Variants in PPP3R1 observed in about 807,000 individuals in gnomAD.
PPP3R1 encodes the protein protein phosphatase 3 regulatory subunit B, alpha.
Under a neutral mutation model 22.6 loss-of-function variants are expected in PPP3R1, and 5 were observed. The observed-to-expected ratio is 0.22, with a 90% CI of 0.12 to 0.46. PPP3R1 has a LOEUF of 0.46. Ranked by LOEUF, PPP3R1 falls within the 20% of genes least tolerant of loss-of-function variation. The pLI is 0.99. For missense variants in PPP3R1, 61 were observed against 203.2 expected (o/e 0.30, Z 4.25); for synonymous variants, 56 against 65.2 (o/e 0.86, Z 0.68).
chr2:68,247,533 T>G (rs1336922795), intron 1 of PPP3R1, among the ~76,000 whole-genome samples: 1 of 152,206 alleles, frequency 6.6e-6, no homozygotes, highest in East Asian at 1.9e-4. Context: ...CTATTGAAAT[T>G]GGAGTCTTGC....
At chr2:68,247,990 G>A (rs915036015) in intron 1 of PPP3R1, among the ~76,000 whole-genome samples, 3 of 152,158 alleles carry the variant, frequency 2.0e-5, no homozygotes, top group African/African-American at 7.2e-5. Context: ...TCATTCTCCT[G>A]CTTGAAAATA....
In PPP3R1 at chr2:68,201,795, T is replaced by C. The variant is rs143026833; in HGVS notation, c.44-13105A>G. 5.9e-5 allele frequency among the ~76,000 whole-genome samples: 9 copies of C among 152,360 alleles called. No individual in the cohort carries two copies. The South Asian group carries it at 1.7e-3, about 28-fold the overall frequency. On this transcript the variant is annotated intron_variant, in intron 2 of 5. Transcript: ENST00000234310. Reference sequence around the variant, plus strand: ...TGGATTAGAAACTCCGAACTTTGAATGTATTACTCCACTGCCTTCTACCAA... The same window carrying C: ...TGGATTAGAAACTCCGAACTTTGAACGTATTACTCCACTGCCTTCTACCAA...
intron 2 of PPP3R1, among the ~76,000 whole-genome samples, chr2:68,209,400 G>A (rs1202315286): frequency 8.4e-5 from 10 of 118,492 alleles, no homozygotes; most frequent in African/African-American, 2.8e-4. Flanking sequence ...AACTGTGGAA[G>A]TTACAAAATA....
chr2:68,199,326 TGTA>T (rs1362652836), intron 2 of PPP3R1, among the ~76,000 whole-genome samples: 2 of 152,218 alleles, frequency 1.3e-5, no homozygotes, highest in Non-Finnish European at 2.9e-5. Flanking sequence ...ATATTATCCT[TGTA>T]TCCTACAATC....
chr2:68,181,350 G>A (rs568688749), intron 5 of PPP3R1, among the ~76,000 whole-genome samples: 62 of 147,296 alleles, frequency 4.2e-4, no homozygotes, highest in Non-Finnish European at 5.9e-4. Context: ...CCTATATCGC[G>A]CCACTGCACT....
chr2:68,218,015 C>G (rs1669611595), intron 1 of PPP3R1, among the ~76,000 whole-genome samples: 2 of 152,032 alleles, frequency 1.3e-5, no homozygotes, highest in South Asian at 4.1e-4. Flanking sequence ...GTATAACAGA[C>G]TCAGAGGTAG....
At chr2:68,226,754 A>C (rs1007286678) in intron 1 of PPP3R1, among the ~76,000 whole-genome samples, 3 of 152,156 alleles carry the variant, frequency 2.0e-5, no homozygotes, top group Admixed American at 6.5e-5. Flanking sequence ...GATTAGGTGC[A>C]TGGTAAAAGT....
Position 68,205,749 on chromosome 2 carries a change from T to C in PPP3R1, c.43+11343A>G, listed in dbSNP as rs144698205. 2.8e-3 allele frequency among the ~76,000 whole-genome samples: 419 copies of C among 152,214 alleles called. 2 individuals are homozygous for C. The highest frequency in any genetic ancestry group is 6.4e-3 in the African/African-American group (264 of 41,556). ...CTTGATAGCAGTGTCCGTGGAGTTA[T>C]AGCAGCCGAAAGCCAGATTGCAGTA... On this transcript the variant is annotated intron_variant, in intron 2 of 5. Transcript: ENST00000234310.
intron 1 of PPP3R1, among the ~76,000 whole-genome samples, chr2:68,230,583 G>C (rs1669878615): frequency 7.9e-6 from 1 of 127,194 alleles, no homozygotes; most frequent in Non-Finnish European, 1.7e-5. Context: ...AATGTCTATT[G>C]TATTTACCCG....
chr2:68,186,345 G>A, intron 5 of PPP3R1, 123 bp downstream of exon 5: 1 of 854,102 alleles, frequency 1.2e-6, no homozygotes, highest in Non-Finnish European at 1.8e-6. Flanking sequence ...AAACAATACG[G>A]GCAATTAGGA....
At chr2:68,223,078 C>A (rs1025405792) in intron 1 of PPP3R1, among the ~76,000 whole-genome samples, 7 of 152,088 alleles carry the variant, frequency 4.6e-5, no homozygotes, top group Non-Finnish European at 8.8e-5. Flanking sequence ...TACTGTGATG[C>A]CAAAATCAGA....
At chr2:68,204,337 T>TATACATATATATTCTG (rs1558633048) in intron 2 of PPP3R1, among the ~76,000 whole-genome samples, 4 of 39,624 alleles carry the variant, frequency 1.0e-4, no homozygotes, top group Non-Finnish European at 1.8e-4. Context: ...ACACACACAC[T>TATACATATATATTCTG]ATATATATAT....
intron 1 of PPP3R1, among the ~76,000 whole-genome samples, chr2:68,226,043 C>T (rs1179346528): frequency 6.6e-6 from 1 of 152,110 alleles, no homozygotes; most frequent in Non-Finnish European, 1.5e-5. Flanking sequence ...CATAATGAAT[C>T]TCAAAAGCAA....
intron 1 of PPP3R1, among the ~76,000 whole-genome samples, chr2:68,219,600 G>C (rs758179592): frequency 1.3e-5 from 2 of 152,120 alleles, no homozygotes; most frequent in Non-Finnish European, 2.9e-5. Context: ...TATTATATCA[G>C]ACTTAACTGG....
intron 1 of PPP3R1, 142 bp downstream of exon 1, chr2:68,251,983 C>A (rs1358413402): frequency 3.4e-6 from 3 of 883,442 alleles, no homozygotes; most frequent in Non-Finnish European, 4.3e-6. Context: ...CGCCCGCAAC[C>A]GCCGCGGGAC....
chr2:68,183,235 T>A (rs925401439), intron 5 of PPP3R1, among the ~76,000 whole-genome samples: 3 of 152,250 alleles, frequency 2.0e-5, no homozygotes, highest in Non-Finnish European at 4.4e-5. Context: ...TCCCTCAGAA[T>A]TGCACAGGCA....
chr2:68,196,185 TATC>T (rs1189182227), intron 2 of PPP3R1, among the ~76,000 whole-genome samples: 1 of 152,190 alleles, frequency 6.6e-6, no homozygotes, highest in Non-Finnish European at 1.5e-5. Flanking sequence ...CTCATAGTGT[TATC>T]AACAGAAGTT....
At chr2:68,193,339 G>A (rs1674704286) in intron 2 of PPP3R1, among the ~76,000 whole-genome samples, 1 of 152,074 alleles carries the variant, frequency 6.6e-6, no homozygotes, top group African/African-American at 2.4e-5. Flanking sequence ...ATGTATGGGG[G>A]CAGTTATCTT....
At chr2:68,197,860 T>C (rs1044642551) in intron 2 of PPP3R1, among the ~76,000 whole-genome samples, 4 of 151,822 alleles carry the variant, frequency 2.6e-5, no homozygotes, top group East Asian at 1.9e-4. Flanking sequence ...GTTTTGTGTG[T>C]ACTAAAAGTC....
Sources: gnomAD v4.1 joint callset for allele counts (sites outside exome capture counted in the v4.1 genomes callset) on GRCh38, gnomAD v4.1.1 for gene constraint, MANE v1.5 for transcripts, NCBI Gene and HGNC (gene_info 2026-07-23, HGNC 2026-07-21) for gene names.